Variants in GALNT9 observed in about 807,000 individuals in gnomAD.
GALNT9 encodes the protein GalNAc transferase 9.
In GALNT9, 47 loss-of-function variants were observed where a neutral mutation model predicts 63.1. The observed-to-expected ratio is 0.75, with a 90% CI of 0.59 to 0.95. The LOEUF is 0.95. Among genes scored for constraint, GALNT9 ranks in the 40% least tolerant of loss-of-function variants. GALNT9 has a pLI of 0.00. For missense variants in GALNT9, 829 were observed against 874.8 expected, an observed-to-expected ratio of 0.95 and a Z score of 0.66; for synonymous variants, 396 against 365.7, an observed-to-expected ratio of 1.08 and a Z score of -0.94.
chr12:132,226,924 C>A (rs1877716877), intron 6 of GALNT9, among the ~76,000 whole-genome samples: 1 of 149,158 alleles, frequency 6.7e-6, no homozygotes, highest in Non-Finnish European at 1.5e-5. Flanking sequence ...TATACATACC[C>A]CACACACTGT....
chr12:132,261,947 G>T (rs1395327898), intron 3 of GALNT9, among the ~76,000 whole-genome samples: 1 of 152,230 alleles, frequency 6.6e-6, no homozygotes, highest in Admixed American at 6.5e-5. Flanking sequence ...GGCTCCAGCT[G>T]CGAGCTCTGT....
At position 132,327,742 on chromosome 12, in the gene GALNT9, G is replaced by A. The variant is rs540863288; in HGVS notation, c.238+1224C>T. Among the ~76,000 whole-genome samples the A allele has an allele frequency of 2.0e-5, 3 of 152,122 alleles. No individual in the cohort carries two copies. The highest frequency in any genetic ancestry group is 2.9e-5 in the Non-Finnish European group (2 of 68,038). The stretch of plus-strand genomic sequence containing the variant: ...GGGATTCTGTGGGTGATGGGAAGGC[G>A]CTCAGGAAGTCAGGGTGCTCTGAGT... On this transcript the variant is annotated intron_variant, in intron 1 of 10. Transcript: ENST00000328957. This position sits in a 1 kb window ranked among gnomAD's most constrained non-coding sequence, Gnocchi z 4.3.
At chr12:132,311,247 A>G (rs78084093) in intron 1 of GALNT9, among the ~76,000 whole-genome samples, 7,947 of 152,220 alleles carry the variant, frequency 0.052, 395 homozygotes, top group East Asian at 0.14. Context: ...AAGAGGGAGA[A>G]AGGGGGAAGA....
In GALNT9 at chr12:132,296,756, A is replaced by C. The variant is rs556194298; in HGVS notation, c.239-10326T>G. Among the ~76,000 whole-genome samples the C allele has an allele frequency of 6.6e-6, 1 of 152,046 alleles. No homozygotes were observed. ...CACACTCTGGGAGGCTGGGAAGTCCAAGATGAAGAGGCACGGATCTGACTT... is the reference window on the plus strand; with the variant it reads ...CACACTCTGGGAGGCTGGGAAGTCCCAGATGAAGAGGCACGGATCTGACTT... On this transcript the variant is annotated intron_variant, in intron 1 of 10. Transcript: ENST00000328957. The surrounding 1 kb of genome is among the most constrained non-coding windows in gnomAD (Gnocchi z 4.2).
intron 1 of GALNT9, among the ~76,000 whole-genome samples, chr12:132,305,688 G>T (rs1881582870): frequency 6.6e-6 from 1 of 152,172 alleles, no homozygotes; most frequent in African/African-American, 2.4e-5. Context: ...CCCTCACCTG[G>T]GTACATCCTC....
chr12:132,276,334 G>T (rs1880088030), intron 2 of GALNT9: 1 of 155,022 alleles, frequency 6.5e-6, no homozygotes, highest in East Asian at 1.9e-4. Flanking sequence ...AAGAAACCTG[G>T]TAGCTGTTCC....
At chr12:132,298,340 C>T (rs1191004375) in intron 1 of GALNT9, among the ~76,000 whole-genome samples, 1 of 151,984 alleles carries the variant, frequency 6.6e-6, no homozygotes, top group Non-Finnish European at 1.5e-5. Flanking sequence ...ATAAACAAGC[C>T]ACGGCTGAGA....
At chr12:132,298,801 C>T (rs1004878212) in intron 1 of GALNT9, among the ~76,000 whole-genome samples, 8 of 141,936 alleles carry the variant, frequency 5.6e-5, no homozygotes, top group African/African-American at 2.0e-4. Context: ...AGATAACCAA[C>T]CCACTCCTGA....
chr12:132,295,685 CG>C (rs1327977051), intron 1 of GALNT9, among the ~76,000 whole-genome samples: 2 of 152,230 alleles, frequency 1.3e-5, no homozygotes, highest in Non-Finnish European at 2.9e-5. Context: ...ATGGAGGGAG[CG>C]TGGCCCAGCC....
intron 1 of GALNT9, among the ~76,000 whole-genome samples, chr12:132,304,718 G>C (rs797037490): frequency 2.4e-3 from 32 of 13,552 alleles, no homozygotes; most frequent in South Asian, 5.1e-3. Flanking sequence ...CCTGGGCACA[G>C]CCTCACCGGG....
At chr12:132,311,837 G>T (rs1881824765) in intron 1 of GALNT9, among the ~76,000 whole-genome samples, 1 of 152,224 alleles carries the variant, frequency 6.6e-6, no homozygotes, top group African/African-American at 2.4e-5. Flanking sequence ...GAGGGTGGAG[G>T]GGAGTGTGGA....
intron 1 of GALNT9, among the ~76,000 whole-genome samples, chr12:132,328,754 C>T (rs1158351809): frequency 6.6e-6 from 1 of 152,232 alleles, no homozygotes; most frequent in Non-Finnish European, 1.5e-5. Context: ...CAAGTCTCCA[C>T]TGGAGGGGTG....
At chr12:132,251,343 T>C (rs1425195382) in intron 5 of GALNT9, among the ~76,000 whole-genome samples, 1 of 152,220 alleles carries the variant, frequency 6.6e-6, no homozygotes, top group African/African-American at 2.4e-5. Context: ...CAGGAAGGCA[T>C]GTCCAGTTCA....
rs757710977 is a variant in GALNT9, at chr12:132,203,634, G to T, written c.1134C>A (p.Ile378=). 1.2e-6 allele frequency: 2 copies of T among 1,613,786 alleles called. No individual in the cohort carries two copies. Among genetic ancestry groups the T allele is most frequent in the Admixed American group, 1.7e-5 (1 of 60,006 alleles). ...TGTTGTAGGGCTTCCTGGTGCGCTC[G>T]ATGTGGGCCACGCGGGAGCAGGGCA... ...EVLPCSRVAH[I]ERTRKPYNND... is the part of the protein sequence containing the mutation. Residue 378 remains isoleucine (I), a synonymous_variant, in exon 7 of 11, where the codon ATC becomes ATA. Transcript: ENST00000328957.
At chr12:132,305,059 G>A (rs376975448) in intron 1 of GALNT9, among the ~76,000 whole-genome samples, 1 of 52,812 alleles carries the variant, frequency 1.9e-5, no homozygotes, top group East Asian at 8.0e-4. Flanking sequence ...GCACAGAATC[G>A]CCCAGACACA....
chr12:132,307,198 G>C (rs189762747), intron 1 of GALNT9, among the ~76,000 whole-genome samples: 16 of 152,292 alleles, frequency 1.1e-4, no homozygotes, highest in Admixed American at 1.0e-3. Context: ...GCCACCCAGG[G>C]ACTCGGGTCC....
Position 132,316,138 on chromosome 12 carries a change from T to C in GALNT9, c.238+12828A>G, listed in dbSNP as rs922190009. Among the ~76,000 whole-genome samples the C allele has an allele frequency of 1.3e-5, 2 of 152,108 alleles. No homozygotes were observed. The highest frequency in any genetic ancestry group is 4.8e-5 in the African/African-American group (2 of 41,428). On this transcript the variant is annotated intron_variant, in intron 1 of 10. Coordinates refer to ENST00000328957, the MANE Select transcript of GALNT9 (RefSeq NM_001122636.2). The surrounding 1 kb of genome is among the most constrained non-coding windows in gnomAD (Gnocchi z 4.3). ...AGAAGAGGCAGGCAGAGGCAGGAGC[T>C]GGCCGCGGGCTGGGAGGCGACCCCA...
Position 132,196,987 on chromosome 12 carries a change from G to C in GALNT9, c.*120C>G, listed in dbSNP as rs1353082624. Reference sequence around the variant, plus strand: ...ACACCCCGGCCCCTCAGCCTCTGCTGTCCTGGCCGCACATAGAGCCCTGTC... The same window carrying C: ...ACACCCCGGCCCCTCAGCCTCTGCTCTCCTGGCCGCACATAGAGCCCTGTC... On this transcript the variant is annotated 3_prime_UTR_variant, in exon 11 of 11. Coordinates refer to ENST00000328957, the MANE Select transcript of GALNT9 (RefSeq NM_001122636.2). 11 of 1,528,474 alleles carry C rather than the reference G, an allele frequency of 7.2e-6. No individual in the cohort carries two copies. The Admixed American group carries it at 1.3e-4, about 19-fold the overall frequency. The allele number at this position is 1,528,474 out of a possible 1,614,324, so 94.7% of individuals were successfully genotyped here.
intron 6 of GALNT9, among the ~76,000 whole-genome samples, chr12:132,227,899 C>T (rs1224522131): frequency 6.6e-6 from 1 of 152,128 alleles, no homozygotes; most frequent in Non-Finnish European, 1.5e-5. Flanking sequence ...TCCCCGTCCC[C>T]ACACCTTCTT....
Sources: gnomAD v4.1 joint callset for allele counts (sites outside exome capture counted in the v4.1 genomes callset) on GRCh38, gnomAD v4.1.1 for gene constraint, Gnocchi (gnomAD v3.1) non-coding constraint, MANE v1.5 for transcripts, NCBI Gene and HGNC (gene_info 2026-07-23, HGNC 2026-07-21) for gene names.